MAF: variants seen among roughly 807,000 people sequenced by gnomAD.
The protein encoded by MAF is MAF bZIP transcription factor.
MAF carries 10 observed loss-of-function variants against 22.0 expected under a neutral mutation model. That is an observed-to-expected ratio of 0.45 (90% CI 0.28 to 0.77). The LOEUF (loss-of-function observed/expected upper bound fraction) is 0.77. Ranked by LOEUF, MAF falls within the 30% of genes least tolerant of loss-of-function variation. The pLI is 0.12. For missense variants in MAF, 544 were observed against 548.4 expected (o/e 0.99, Z 0.08); for synonymous variants, 337 against 255.8 (o/e 1.32, Z -3.03).
the MAF span, among the ~76,000 whole-genome samples, chr16:79,525,158 T>A: frequency 6.6e-6 from 1 of 152,148 alleles, no homozygotes; most frequent in Non-Finnish European, 1.5e-5. Context: ...AAGCCCCGGA[T>A]TTCATCGCTC....
At chr16:79,476,880 C>A in the MAF span, among the ~76,000 whole-genome samples, 27 of 152,248 alleles carry the variant, frequency 1.8e-4, no homozygotes, top group African/African-American at 5.8e-4. Context: ...TCATTTCCTG[C>A]GGGAGCTCCT....
In MAF at chr16:79,600,211, A is replaced by G. The variant is rs184896051; in HGVS notation, c.-309T>C. On this transcript the variant is annotated 5_prime_UTR_variant, in exon 1 of 2. Coordinates refer to ENST00000326043, the MANE Select transcript of MAF (RefSeq NM_005360.5). ...AGCCGGCGGCTTCAGGCTCGGGAAG[A>G]TCCTCCGCGAGCTGCGGTGGCGGCG... 389 of 306,280 alleles carry G rather than the reference A, an allele frequency of 1.3e-3. No individual in the cohort carries two copies. Among genetic ancestry groups the G allele is most frequent in the Non-Finnish European group, 1.4e-3 (231 of 164,430 alleles). 19.0% of individuals were successfully genotyped at this position (306,280 alleles called of 1,614,324 possible).
chr16:79,371,608 C>A, the MAF span, among the ~76,000 whole-genome samples: 1 of 152,178 alleles, frequency 6.6e-6, no homozygotes, highest in Non-Finnish European at 1.5e-5. Flanking sequence ...ACCTCAGAGG[C>A]TTCACATATG....
At chr16:79,456,985 G>C in the MAF span, among the ~76,000 whole-genome samples, 2 of 151,984 alleles carry the variant, frequency 1.3e-5, no homozygotes, top group Admixed American at 1.3e-4. Flanking sequence ...ATTTGCTTTG[G>C]TGTGTGTATA....
the MAF span, chr16:79,211,673 G>C: frequency 6.2e-7 from 1 of 1,614,238 alleles, no homozygotes; most frequent in East Asian, 2.2e-5. Flanking sequence ...TGGGAGGGAT[G>C]TACTTCAACA....
the MAF span, among the ~76,000 whole-genome samples, chr16:79,399,836 C>G: frequency 4.0e-3 from 609 of 152,274 alleles, 4 homozygotes; most frequent in African/African-American, 0.014. Context: ...TGCCTGTATC[C>G]TTACTTAATT....
chr16:79,469,483 A>G, the MAF span, among the ~76,000 whole-genome samples: 1 of 152,200 alleles, frequency 6.6e-6, no homozygotes, highest in Admixed American at 6.5e-5. Context: ...AGATGATAAA[A>G]TTGTCTACTT....
the MAF span, among the ~76,000 whole-genome samples, chr16:79,522,310 A>G: frequency 6.6e-6 from 1 of 152,156 alleles, no homozygotes; most frequent in African/African-American, 2.4e-5. Flanking sequence ...CTTCCTGCCT[A>G]TGCAAGGCAG....
the MAF span, among the ~76,000 whole-genome samples, chr16:79,490,631 C>T: frequency 6.6e-6 from 1 of 151,174 alleles, no homozygotes; most frequent in Non-Finnish European, 1.5e-5. Context: ...CACACTCACA[C>T]ATGCATAAAT....
the MAF span, among the ~76,000 whole-genome samples, chr16:79,341,806 C>A: frequency 1.3e-5 from 2 of 152,138 alleles, no homozygotes; most frequent in African/African-American, 4.8e-5. Flanking sequence ...CCACTCCCAT[C>A]AGATGCTGAT....
chr16:79,262,260 C>G, the MAF span, among the ~76,000 whole-genome samples: 24 of 152,132 alleles, frequency 1.6e-4, no homozygotes, highest in Non-Finnish European at 3.2e-4. Context: ...CAGTAGGTAT[C>G]GTCACTGGAA....
the MAF span, among the ~76,000 whole-genome samples, chr16:79,272,068 TA>T: frequency 2.0e-5 from 3 of 151,928 alleles, no homozygotes; most frequent in Non-Finnish European, 4.4e-5. Flanking sequence ...TGTGAGCCAA[TA>T]CTTGGGTGGG....
chr16:79,262,929 C>G, the MAF span, among the ~76,000 whole-genome samples: 1,924 of 152,210 alleles, frequency 0.013, 41 homozygotes, highest in African/African-American at 0.044. Flanking sequence ...TGTATGTTTG[C>G]AGCAGAGTAA....
the MAF span, among the ~76,000 whole-genome samples, chr16:79,335,022 TA>T: frequency 6.6e-6 from 1 of 151,476 alleles, no homozygotes; most frequent in African/African-American, 2.4e-5. Flanking sequence ...CTGTCTCTAC[TA>T]AAAATACAAA....
chr16:79,256,155 T>A, the MAF span, among the ~76,000 whole-genome samples: 1 of 151,320 alleles, frequency 6.6e-6, no homozygotes, highest in Non-Finnish European at 1.5e-5. Context: ...CTAAATTTTT[T>A]TTTTTTGTAT....
the MAF span, among the ~76,000 whole-genome samples, chr16:79,525,724 A>G: frequency 6.6e-6 from 1 of 152,174 alleles, no homozygotes; most frequent in East Asian, 1.9e-4. Flanking sequence ...TACATTTTTC[A>G]TGTAATGATT....
chr16:79,497,658 T>G, the MAF span, among the ~76,000 whole-genome samples: 5,937 of 152,308 alleles, frequency 0.039, 380 homozygotes, highest in African/African-American at 0.13. Flanking sequence ...GGTTCATCCT[T>G]GTCATGCTTT....
At chr16:79,234,992 A>G in the MAF span, among the ~76,000 whole-genome samples, 1 of 152,124 alleles carries the variant, frequency 6.6e-6, no homozygotes, top group African/African-American at 2.4e-5. Context: ...AGACAGAGAC[A>G]CATCCAGTAG....
At chr16:79,408,531 C>T in the MAF span, among the ~76,000 whole-genome samples, 2 of 152,228 alleles carry the variant, frequency 1.3e-5, no homozygotes, top group Middle Eastern at 3.4e-3. Flanking sequence ...TGCTTAAGTT[C>T]GCTGCACCTC....
Sources: gnomAD v4.1 joint callset for allele counts (sites outside exome capture counted in the v4.1 genomes callset) on GRCh38, gnomAD v4.1.1 for gene constraint, MANE v1.5 for transcripts, NCBI Gene and HGNC (gene_info 2026-07-23, HGNC 2026-07-21) for gene names.